The following PROSER1 variants were observed in gnomAD, a reference collection of about 807,000 sequenced individuals.
PROSER1 encodes the protein proline and serine rich 1.
In PROSER1, 36 loss-of-function variants were observed where a neutral mutation model predicts 71.8. The observed-to-expected ratio is 0.50, with a 90% CI of 0.38 to 0.66. The LOEUF is 0.66. Ranked by LOEUF, PROSER1 falls within the 30% of genes least tolerant of loss-of-function variation. The pLI, the probability that PROSER1 is intolerant of heterozygous loss-of-function variation, is 0.00. For synonymous variants in PROSER1, 490 were observed against 452.4 expected (o/e 1.08, Z -1.06); for missense variants, 1,107 against 1,135.0 (o/e 0.98, Z 0.35).
chr13:39,031,435 A>G (rs1169060206), intron 3 of PROSER1, 128 bp downstream of exon 3: 6 of 687,408 alleles, frequency 8.7e-6, no homozygotes, highest in Non-Finnish European at 1.5e-5. Context: ...ATTTTGAATC[A>G]AAGTACAATA....
chr13:39,036,324 A>C (rs1871097563), intron 1 of PROSER1, among the ~76,000 whole-genome samples: 1 of 152,238 alleles, frequency 6.6e-6, no homozygotes, highest in Non-Finnish European at 1.5e-5. Context: ...CAGCAAGACC[A>C]GAGACAATTT....
rs114055548 is a variant in PROSER1, at chr13:39,014,980, G to A, written c.776-504C>T. On this transcript the variant is annotated intron_variant, in intron 10 of 12. Coordinates refer to ENST00000352251, the MANE Select transcript of PROSER1 (RefSeq NM_025138.5). ...TGAGTTGAATTTAATATTCCAGATT[G>A]TTCATCTGTACAGTTGCCCCGCCCC... Among the ~76,000 whole-genome samples, 551 of 152,198 alleles carry A rather than the reference G, an allele frequency of 3.6e-3. 3 individuals are homozygous for A. The highest frequency in any genetic ancestry group is 0.012 in the African/African-American group (516 of 41,520).
Position 39,034,188 on chromosome 13 carries a change from C to G in PROSER1, c.54G>C (p.Leu18Phe). Residue 18 changes from leucine to phenylalanine, a missense_variant, in exon 2 of 13, where the codon TTG becomes TTC. Physicochemically the swap from Leu to Phe is conservative, Grantham distance 22 (BLOSUM62 0). Coordinates refer to ENST00000352251, the MANE Select transcript of PROSER1 (RefSeq NM_025138.5). The stretch of plus-strand genomic sequence containing the variant: ...CAATTGCTTTTAATTTGTATTCTGT[C>G]AAAACAGCCTAAAAAAAAAAAACAC... ...MVLDEIRKAV[L>F]TEYKLKAIEY... 6.4e-7 allele frequency: 1 copy of G among 1,562,784 alleles called. No individual in the cohort carries two copies. The highest frequency in any genetic ancestry group is 1.9e-5 in the Admixed American group (1 of 52,690).
intron 10 of PROSER1, among the ~76,000 whole-genome samples, chr13:39,016,987 C>T (rs12428338): frequency 0.032 from 4,861 of 152,372 alleles, 110 homozygotes; most frequent in South Asian, 0.1. Context: ...CGCAGCACTG[C>T]TGCCATCTGG....
Position 39,010,483 on chromosome 13 carries a change from A to G in PROSER1, c.*882T>C, listed in dbSNP as rs955450455. ...ATACTGCATAATTACTAACAGAGCC[A>G]GTCTTCTCTATTTGTTGTCACATAT... On this transcript the variant is annotated 3_prime_UTR_variant, in exon 13 of 13. Transcript: ENST00000352251. 1.3e-5 allele frequency: 2 copies of G among 152,644 alleles called. No individual in the cohort carries two copies. Among genetic ancestry groups the G allele is most frequent in the African/African-American group, 2.4e-5 (1 of 41,468 alleles). 9.5% of individuals were successfully genotyped at this position (152,644 alleles called of 1,614,324 possible).
At chr13:39,028,417 T>G in intron 4 of PROSER1, 97 bp from the exon 5 acceptor site, 1 of 612,396 alleles carries the variant, frequency 1.6e-6, no homozygotes, top group Admixed American at 2.5e-5. Context: ...GAGTAAGCGT[T>G]CTCCATGACA....
At chr13:39,011,721 T>C (rs1237368320) in intron 12 of PROSER1, among the ~76,000 whole-genome samples, 1 of 152,228 alleles carries the variant, frequency 6.6e-6, no homozygotes, top group Non-Finnish European at 1.5e-5. Context: ...CTCTCAAAAG[T>C]CAATAGGTTT....
At chr13:39,029,458 C>CTCTTAATATA in intron 3 of PROSER1, 83 bp from the exon 4 acceptor site, 2 of 668,406 alleles carry the variant, frequency 3.0e-6, no homozygotes, top group Non-Finnish European at 4.9e-6. Context: ...CAGTTAAATG[C>CTCTTAATATA]TCTTAATATA....
At chr13:39,022,559 G>A in intron 8 of PROSER1, 147 bp from the exon 9 acceptor site, 1 of 570,524 alleles carries the variant, frequency 1.8e-6, no homozygotes, top group Non-Finnish European at 3.1e-6. Flanking sequence ...TTTATATGGA[G>A]GTTTATGTCT....
chr13:39,031,918 T>G (rs182355760), intron 2 of PROSER1, among the ~76,000 whole-genome samples: 16 of 152,280 alleles, frequency 1.1e-4, no homozygotes, highest in African/African-American at 1.9e-4. Context: ...ACACTGCAGA[T>G]AGAGAACATT....
intron 2 of PROSER1, 98 bp from the exon 3 acceptor site, chr13:39,031,729 G>C (rs9566391): frequency 0.12 from 120,589 of 1,011,708 alleles, 8,181 homozygotes; most frequent in African/African-American, 0.25. Flanking sequence ...GTGCAGCCCA[G>C]GCCCAGGTGA....
intron 9 of PROSER1, among the ~76,000 whole-genome samples, chr13:39,019,332 T>C (rs1271173041): frequency 2.1e-5 from 3 of 146,274 alleles, no homozygotes; most frequent in African/African-American, 7.6e-5. Flanking sequence ...AGAAACCCTG[T>C]CTCTACTAAA....
chr13:39,025,569 GT>G (rs1176579095), intron 6 of PROSER1, among the ~76,000 whole-genome samples: 1 of 152,162 alleles, frequency 6.6e-6, no homozygotes, highest in African/African-American at 2.4e-5. Context: ...AAAAGTCTTT[GT>G]GGTGGACAAC....
rs766726845 is a variant in PROSER1 at position 39,012,679 on chromosome 13, C to A, written c.2561+12G>T. 1 of 1,522,372 alleles carries A rather than the reference C, an allele frequency of 6.6e-7. No homozygotes were observed. 94.3% of individuals were successfully genotyped at this position (1,522,372 alleles called of 1,614,324 possible). A position where few individuals can be genotyped will look rare whatever the true frequency, so the allele number is the denominator to read the frequency against. ...AGAATAATTTTATCCTATTTCCAAA[C>A]TATCCACATACCCGGCTTGTGCAAC... On this transcript the variant is annotated intron_variant, in intron 11 of 12. Transcript: ENST00000352251.
intron 10 of PROSER1, 129 bp downstream of exon 10, chr13:39,017,371 A>G: frequency 1.5e-6 from 1 of 666,346 alleles, no homozygotes; most frequent in Non-Finnish European, 2.6e-6. Context: ...AACAAGTATG[A>G]ATTATATTCT....
rs1020935065 is a variant in PROSER1, at chr13:39,013,650, CCCT to C, written c.1599_1601del (p.Gly534del). On this transcript the variant is annotated inframe_deletion, in exon 11 of 13. Transcript: ENST00000352251. ...ACGGCAGGCCTGGGAACAGGGCCAA[CCCT>C]GGAGTGGAAGTCCTCTGTGGGGTAG... The C allele has an allele frequency of 3.7e-6, 6 of 1,613,940 alleles. No homozygotes were observed. In the African/African-American group the frequency reaches 6.7e-5, roughly 18 times the overall value.
At chr13:39,028,954 G>T (rs1870678228) in intron 4 of PROSER1, 2 of 131,526 alleles carry the variant, frequency 1.5e-5, no homozygotes, top group African/African-American at 3.6e-5. Flanking sequence ...TAAGCACCTT[G>T]CCAAAAAAAA....
chr13:39,020,674 A>G (rs1363567399), intron 9 of PROSER1, among the ~76,000 whole-genome samples: 1 of 152,246 alleles, frequency 6.6e-6, no homozygotes, highest in Non-Finnish European at 1.5e-5. Context: ...CCAGACTGGC[A>G]AAGTTAAAAA....
At chr13:39,023,427 C>A in intron 7 of PROSER1, 1 of 232,442 alleles carries the variant, frequency 4.3e-6, no homozygotes, top group Non-Finnish European at 8.4e-6. Flanking sequence ...CCAGGCCCAG[C>A]CTAAGTTAAA....
Sources: gnomAD v4.1 joint callset for allele counts (sites outside exome capture counted in the v4.1 genomes callset) on GRCh38, gnomAD v4.1.1 for gene constraint, MANE v1.5 for transcripts, NCBI Gene and HGNC (gene_info 2026-07-23, HGNC 2026-07-21) for gene names.